ADAMTS3: variants seen among roughly 807,000 people sequenced by gnomAD.
ADAMTS3 encodes the protein A disintegrin and metalloproteinase with thrombospondin motifs 3.
A neutral mutation model predicts 129.0 loss-of-function variants in ADAMTS3; 73 were observed. That is an observed-to-expected ratio of 0.57 (90% CI 0.47 to 0.69). The LOEUF (loss-of-function observed/expected upper bound fraction) is 0.69. Ranked by LOEUF, ADAMTS3 falls within the 30% of genes least tolerant of loss-of-function variation. ADAMTS3 has a pLI of 0.00. For synonymous variants in ADAMTS3, 477 were observed against 510.8 expected (o/e 0.93, Z 0.89); for missense variants, 1,457 against 1,514.5 (o/e 0.96, Z 0.63).
In ADAMTS3 at chr4:72,345,477, A is replaced by G. The variant is rs112412561; in HGVS notation, c.662-5784T>C. On this transcript the variant is annotated intron_variant, in intron 4 of 21. Coordinates refer to ENST00000286657, the MANE Select transcript of ADAMTS3 (RefSeq NM_014243.3). ...AAGGATACAGTAACAGCATCTCCACATATGTGGAGGCACTATTCTACCAAG... is the reference window on the plus strand; with the variant it reads ...AAGGATACAGTAACAGCATCTCCACGTATGTGGAGGCACTATTCTACCAAG... Among the ~76,000 whole-genome samples, 288 of 152,280 alleles carry G rather than the reference A, an allele frequency of 1.9e-3. 4 individuals are homozygous for G. Among genetic ancestry groups the G allele is most frequent in the African/African-American group, 6.5e-3 (271 of 41,586 alleles).
At chr4:72,464,853 T>C (rs1232584551) in intron 3 of ADAMTS3, among the ~76,000 whole-genome samples, 2 of 152,086 alleles carry the variant, frequency 1.3e-5, no homozygotes, top group East Asian at 3.9e-4. Flanking sequence ...TTTCAGGCGT[T>C]TGTGTGTCAC....
At chr4:72,448,523 T>C (rs1718313460) in intron 3 of ADAMTS3, among the ~76,000 whole-genome samples, 1 of 151,730 alleles carries the variant, frequency 6.6e-6, no homozygotes. Flanking sequence ...TGTCCTGAAA[T>C]CACAAAGCTC....
intron 4 of ADAMTS3, among the ~76,000 whole-genome samples, chr4:72,388,535 A>G (rs893296486): frequency 6.6e-6 from 1 of 152,194 alleles, no homozygotes; most frequent in Non-Finnish European, 1.5e-5. Flanking sequence ...TGTGCTGCTT[A>G]GCCATTACCC....
chr4:72,477,907 C>T (rs1177444475), intron 3 of ADAMTS3, among the ~76,000 whole-genome samples: 5 of 152,054 alleles, frequency 3.3e-5, no homozygotes, highest in Non-Finnish European at 5.9e-5. Context: ...GAGAATACTA[C>T]AAACACCTCT....
intron 4 of ADAMTS3, among the ~76,000 whole-genome samples, chr4:72,407,885 T>G (rs143491829): frequency 0.014 from 2,106 of 152,196 alleles, 52 homozygotes; most frequent in Non-Finnish European, 0.014. Flanking sequence ...TGGTTGTTTA[T>G]GACAATCTCA....
chr4:72,312,616 C>A, intron 12 of ADAMTS3, 150 bp from the exon 13 acceptor site: 1 of 644,520 alleles, frequency 1.6e-6, no homozygotes, highest in South Asian at 2.5e-5. Flanking sequence ...AGTCCCTTTC[C>A]AAAGCACCCT....
chr4:72,422,670 G>T lies in ADAMTS3; in HGVS notation c.505-7699C>A, dbSNP rs942875036. Among the ~76,000 whole-genome samples the T allele has an allele frequency of 2.6e-5, 4 of 152,074 alleles. No individual in the cohort carries two copies. In the East Asian group the frequency reaches 7.7e-4, roughly 29 times the overall value. On this transcript the variant is annotated intron_variant, in intron 3 of 21. Coordinates refer to ENST00000286657, the MANE Select transcript of ADAMTS3 (RefSeq NM_014243.3). ...AGAATTAAGTCAGATAGCCTCAGAT[G>T]ATGAAAACAGCGATCACAAAGGCCA...
In ADAMTS3 at chr4:72,282,994, C is replaced by T. The variant is rs535913087; in HGVS notation, c.*142G>A. 1.3e-5 allele frequency: 9 copies of T among 676,680 alleles called. No individual in the cohort carries two copies. Among genetic ancestry groups the T allele is most frequent in the Non-Finnish European group, 2.2e-5 (9 of 412,556 alleles). 41.9% of individuals were successfully genotyped at this position (676,680 alleles called of 1,614,324 possible). On this transcript the variant is annotated 3_prime_UTR_variant, in exon 22 of 22. Coordinates refer to ENST00000286657, the MANE Select transcript of ADAMTS3 (RefSeq NM_014243.3). ...AGGATGAAAGCAACTAGAAAGTGAG[C>T]CAGCACTTTCTGTTCTTCCAATTAC... is the stretch of plus-strand genomic sequence containing the variant.
chr4:72,349,845 A>G (rs1048414493), intron 4 of ADAMTS3, among the ~76,000 whole-genome samples: 1 of 152,048 alleles, frequency 6.6e-6, no homozygotes, highest in Non-Finnish European at 1.5e-5. Context: ...CAAATTATTG[A>G]AGAAGCGGTC....
At position 72,283,566 on chromosome 4, in the gene ADAMTS3, A is replaced by G; in HGVS notation, c.3188T>C (p.Leu1063Pro). ...RSSTLPPPYL[L>P]EAAETHDDVI... ...ATCATCATGAGTTTCAGCAGCTTCT[A>G]GAAGGTATGGTGGTGGCAGGGTGCT... Residue 1063 changes from leucine (L) to proline (P), a missense_variant, in exon 22 of 22, where the codon CTA (leucine) becomes CCA (proline). By Grantham distance (98) the Leu-to-Pro change is moderately conservative. Transcript: ENST00000286657. The G allele has an allele frequency of 2.5e-6, 4 of 1,614,068 alleles. No homozygotes were observed. The highest frequency in any genetic ancestry group is 1.7e-4 in the Middle Eastern group (1 of 6,060).
rs146366382 is a variant in ADAMTS3, at chr4:72,404,825, A to AAC, written c.661+9988_661+9989dup. 4.8e-3 allele frequency among the ~76,000 whole-genome samples: 717 copies of AAC among 148,910 alleles called. 6 individuals are homozygous for AAC. Among genetic ancestry groups the AAC allele is most frequent in the African/African-American group, 0.017 (680 of 40,594 alleles). ...AGTAGCAAAACAAACAAGCAAACAA[A>AAC]ACACACACACACACACACACACACA... On this transcript the variant is annotated intron_variant, in intron 4 of 21. Transcript: ENST00000286657.
At chr4:72,422,691 G>C (rs1722476705) in intron 3 of ADAMTS3, among the ~76,000 whole-genome samples, 1 of 152,004 alleles carries the variant, frequency 6.6e-6, no homozygotes, top group African/African-American at 2.4e-5. Flanking sequence ...CGATCACAAA[G>C]GCCACACTCC....
At chr4:72,439,751 T>C (rs1718061201) in intron 3 of ADAMTS3, among the ~76,000 whole-genome samples, 1 of 151,804 alleles carries the variant, frequency 6.6e-6, no homozygotes. Flanking sequence ...AAATGAAATG[T>C]GTACCTACAG....
intron 2 of ADAMTS3, among the ~76,000 whole-genome samples, chr4:72,551,552 T>C (rs747339807): frequency 3.9e-5 from 6 of 152,178 alleles, no homozygotes; most frequent in Non-Finnish European, 7.3e-5. Context: ...AAAGATACGA[T>C]TGGCAACCCT....
At chr4:72,529,216 C>T (rs904444256) in intron 3 of ADAMTS3, among the ~76,000 whole-genome samples, 8 of 152,162 alleles carry the variant, frequency 5.3e-5, no homozygotes, top group African/African-American at 1.9e-4. Flanking sequence ...TGGCCGAATA[C>T]AGTAAACGAA....
intron 21 of ADAMTS3, among the ~76,000 whole-genome samples, chr4:72,284,980 A>G (rs998179109): frequency 7.9e-5 from 12 of 152,250 alleles, no homozygotes; most frequent in African/African-American, 2.2e-4. Context: ...ACACTGATCC[A>G]TGCCCAAAGA....
chr4:72,309,333 A>T, intron 15 of ADAMTS3, 64 bp downstream of exon 15: 1 of 1,540,630 alleles, frequency 6.5e-7, no homozygotes. Flanking sequence ...TTTCTAAAGG[A>T]AGAAGCCTCA....
Position 72,338,028 on chromosome 4 carries a change from G to C in ADAMTS3, c.861+1466C>G, listed in dbSNP as rs7678538. 1.4e-3 allele frequency among the ~76,000 whole-genome samples: 220 copies of C among 152,214 alleles called. 1 individual carries two copies. Among genetic ancestry groups the C allele is most frequent in the African/African-American group, 5.1e-3 (212 of 41,542 alleles). On this transcript the variant is annotated intron_variant, in intron 5 of 21. Coordinates refer to ENST00000286657, the MANE Select transcript of ADAMTS3 (RefSeq NM_014243.3). ...TCTCCATAGGAAGTTTGAAATTTTAGATAACTTATGAAGTAAAATTTGGCA... is the reference window on the plus strand; with the variant it reads ...TCTCCATAGGAAGTTTGAAATTTTACATAACTTATGAAGTAAAATTTGGCA...
chr4:72,418,573 A>G (rs1374886222), intron 3 of ADAMTS3, among the ~76,000 whole-genome samples: 1 of 152,212 alleles, frequency 6.6e-6, no homozygotes, highest in Non-Finnish European at 1.5e-5. Context: ...GGGAGCCCAC[A>G]TGGGAAATTT....
Sources: allele counts gnomAD v4.1 joint callset (sites outside exome capture counted in the v4.1 genomes callset), GRCh38; gene constraint gnomAD v4.1.1; transcripts MANE v1.5; gene names NCBI Gene and HGNC (gene_info 2026-07-23, HGNC 2026-07-21).